MGAT4A: variants seen among roughly 807,000 people sequenced by gnomAD.
The protein encoded by MGAT4A is N-acetylglucosaminyltransferase IVa.
In MGAT4A, 33 loss-of-function variants were observed where a neutral mutation model predicts 74.1. The ratio of observed to expected loss-of-function variants is 0.45; its 90% CI spans 0.34 to 0.60. The LOEUF is 0.60. Ranked by LOEUF, MGAT4A falls within the 20% of genes least tolerant of loss-of-function variation. MGAT4A has a pLI of 0.02. For missense variants in MGAT4A, 479 were observed against 628.3 expected (o/e 0.76, Z 2.54); for synonymous variants, 198 against 210.4 (o/e 0.94, Z 0.51).
intron 2 of MGAT4A, among the ~76,000 whole-genome samples, chr2:98,707,475 C>A (rs1362322007): frequency 1.3e-5 from 2 of 152,128 alleles, no homozygotes; most frequent in African/African-American, 4.8e-5. Flanking sequence ...TCAAGCTCTG[C>A]CATCTGCAAT....
intron 14 of MGAT4A, among the ~76,000 whole-genome samples, chr2:98,632,223 A>G (rs527468657): frequency 4.7e-4 from 72 of 152,298 alleles, no homozygotes; most frequent in Admixed American, 1.0e-3. Context: ...ACACGCGCCC[A>G]CTGGGACCTC....
intron 2 of MGAT4A, among the ~76,000 whole-genome samples, chr2:98,683,736 G>A (rs1360271992): frequency 6.6e-6 from 1 of 152,128 alleles, no homozygotes; most frequent in East Asian, 1.9e-4. Flanking sequence ...CAAGTAGGAA[G>A]AATAAGCAGT....
At chr2:98,696,095 C>T (rs1430480158) in intron 2 of MGAT4A, among the ~76,000 whole-genome samples, 1 of 152,032 alleles carries the variant, frequency 6.6e-6, no homozygotes, top group African/African-American at 2.4e-5. Context: ...GTTGCCCAAG[C>T]TGGTCTCGAA....
chr2:98,724,383 G>A (rs1702730499), intron 2 of MGAT4A, among the ~76,000 whole-genome samples: 1 of 152,176 alleles, frequency 6.6e-6, no homozygotes, highest in African/African-American at 2.4e-5. Context: ...GAATCCAAAT[G>A]CCCAACAGTT....
At chr2:98,704,105 T>G (rs1265642451) in intron 2 of MGAT4A, among the ~76,000 whole-genome samples, 2 of 152,216 alleles carry the variant, frequency 1.3e-5, no homozygotes, top group African/African-American at 4.8e-5. Context: ...TTGTTTACCA[T>G]GAAATCGCCA....
intron 2 of MGAT4A, among the ~76,000 whole-genome samples, chr2:98,690,408 T>A: frequency 6.6e-6 from 1 of 152,148 alleles, no homozygotes; most frequent in Non-Finnish European, 1.5e-5. Flanking sequence ...CTCCCAACCC[T>A]GCACAGCTGG....
intron 10 of MGAT4A, among the ~76,000 whole-genome samples, chr2:98,640,644 A>T (rs1473258757): frequency 2.0e-5 from 3 of 152,176 alleles, no homozygotes; most frequent in Non-Finnish European, 4.4e-5. Flanking sequence ...ACAAAATTGA[A>T]AAGAAAACAA....
chr2:98,709,013 T>C (rs907057449), intron 2 of MGAT4A, among the ~76,000 whole-genome samples: 43 of 152,224 alleles, frequency 2.8e-4, no homozygotes, highest in Admixed American at 9.2e-4. Context: ...ATTCAGGCTG[T>C]ACACCCCATG....
chr2:98,723,141 C>A (rs952857670), intron 2 of MGAT4A, among the ~76,000 whole-genome samples: 10 of 152,186 alleles, frequency 6.6e-5, no homozygotes, highest in African/African-American at 2.4e-4. Context: ...ATCCCATGGA[C>A]CAGCTCATGT....
At chr2:98,716,393 A>G (rs1702592191) in intron 2 of MGAT4A, among the ~76,000 whole-genome samples, 2 of 151,786 alleles carry the variant, frequency 1.3e-5, no homozygotes, top group African/African-American at 2.4e-5. Context: ...CAAGGCGGGT[A>G]GATCACCTGA....
rs947788522 is a variant in MGAT4A at position 98,625,477 on chromosome 2, G to A, written c.*89C>T. The A allele has an allele frequency of 5.1e-6, 8 of 1,569,482 alleles. No homozygotes were observed. Among genetic ancestry groups the A allele is most frequent in the Middle Eastern group, 2.3e-4 (1 of 4,372 alleles). On this transcript the variant is annotated 3_prime_UTR_variant, in exon 16 of 16. Coordinates refer to ENST00000393487, the MANE Select transcript of MGAT4A (RefSeq NM_012214.3). ...TCTACAGTAGACTTCACAAGAGGTA[G>A]TGTTCAAGTAGAAATAAAAAAAAGA... is the stretch of plus-strand genomic sequence containing the variant.
chr2:98,682,753 A>C (rs1021297149), intron 2 of MGAT4A, among the ~76,000 whole-genome samples: 7 of 150,932 alleles, frequency 4.6e-5, no homozygotes, highest in African/African-American at 1.7e-4. Context: ...TTCTAATCTC[A>C]AGGAAACATC....
At chr2:98,645,580 AAAG>A in intron 8 of MGAT4A, 38 bp from the exon 9 acceptor site, 1 of 1,386,400 alleles carries the variant, frequency 7.2e-7, no homozygotes, top group Non-Finnish European at 9.7e-7. Context: ...TACATCAAAA[AAAG>A]AAAGGTATTG....
intron 2 of MGAT4A, among the ~76,000 whole-genome samples, chr2:98,703,763 C>T (rs1438549387): frequency 6.6e-6 from 1 of 152,176 alleles, no homozygotes; most frequent in Non-Finnish European, 1.5e-5. Context: ...TCCTTTTACA[C>T]TCTCCTAATG....
rs2104203200 is a variant in MGAT4A at position 98,622,100 on chromosome 2, C to T, written c.*3466G>A. Reference sequence around the variant, plus strand: ...ATAAAGAACTTAAGAAATCTTACATCTTAGAATCCTAGAAATGGGTCCTCA... The same window carrying T: ...ATAAAGAACTTAAGAAATCTTACATTTTAGAATCCTAGAAATGGGTCCTCA... On this transcript the variant is annotated 3_prime_UTR_variant, in exon 16 of 16. Transcript: ENST00000393487. The T allele has an allele frequency of 1.0e-6, 1 of 985,448 alleles. No homozygotes were observed. The highest frequency in any genetic ancestry group is 1.2e-6 in the Non-Finnish European group (1 of 829,928). The allele number at this position is 985,448 out of a possible 1,614,324, so 61.0% of individuals were successfully genotyped here. A position where few individuals can be genotyped will look rare whatever the true frequency, so the allele number is the denominator to read the frequency against.
rs1701065860 is a variant in MGAT4A at position 98,621,866 on chromosome 2, T to TAGTG, written c.*3696_*3699dup. On this transcript the variant is annotated 3_prime_UTR_variant, in exon 16 of 16. Transcript: ENST00000393487. ...ATAACAACACCTTCTAATTATTGAC[T>TAGTG]AGTGCAACCACTGATTTGAGAAGAT... is the stretch of plus-strand genomic sequence containing the variant. The TAGTG allele has an allele frequency of 9.9e-7, 1 of 1,008,974 alleles. No homozygotes were observed. Among genetic ancestry groups the TAGTG allele is most frequent in the Non-Finnish European group, 1.2e-6 (1 of 845,082 alleles). 62.5% of individuals were successfully genotyped at this position (1,008,974 alleles called of 1,614,324 possible). A position where few individuals can be genotyped will look rare whatever the true frequency, so the allele number is the denominator to read the frequency against.
intron 14 of MGAT4A, among the ~76,000 whole-genome samples, chr2:98,628,828 A>G (rs1452927555): frequency 6.6e-6 from 1 of 152,136 alleles, no homozygotes; most frequent in African/African-American, 2.4e-5. Flanking sequence ...ATACTGTCCA[A>G]TTATAAATGC....
intron 3 of MGAT4A, among the ~76,000 whole-genome samples, chr2:98,677,774 C>A (rs186480292): frequency 1.7e-3 from 251 of 145,464 alleles, no homozygotes; most frequent in Non-Finnish European, 2.9e-3. Context: ...ATATGACTCT[C>A]TTAAAATCAG....
chr2:98,672,591 C>G (rs925225272), intron 4 of MGAT4A, among the ~76,000 whole-genome samples: 17 of 152,214 alleles, frequency 1.1e-4, no homozygotes, highest in African/African-American at 4.1e-4. Context: ...CTTCTATAAG[C>G]TGGTAATTCC....
Sources: allele counts gnomAD v4.1 joint callset (sites outside exome capture counted in the v4.1 genomes callset), GRCh38; gene constraint gnomAD v4.1.1; transcripts MANE v1.5; gene names NCBI Gene and HGNC (gene_info 2026-07-23, HGNC 2026-07-21).